The following ZNF254 variants were observed in gnomAD, a reference collection of about 807,000 sequenced individuals.
The protein encoded by ZNF254 is CTD-2017D11.1.
In ZNF254, 10 loss-of-function variants were observed where a neutral mutation model predicts 12.4. That is an observed-to-expected ratio of 0.80 (90% CI 0.50 to 1.36). The LOEUF is 1.36. Among genes scored for constraint, ZNF254 ranks in the 40% most tolerant of loss-of-function variants. ZNF254 has a pLI of 0.00. For missense variants in ZNF254, 996 were observed against 763.9 expected, an observed-to-expected ratio of 1.30 and a Z score of -3.58; for synonymous variants, 305 against 253.4, an observed-to-expected ratio of 1.20 and a Z score of -1.93.
intron 3 of ZNF254, chr19:24,107,172 G>T: frequency 1.6e-6 from 1 of 618,730 alleles, no homozygotes; most frequent in Non-Finnish European, 2.8e-6. Context: ...CCTCAAGATT[G>T]CTTTGACTAT....
intron 2 of ZNF254, among the ~76,000 whole-genome samples, chr19:24,048,292 G>A (rs952225010): frequency 2.0e-5 from 3 of 152,094 alleles, no homozygotes; most frequent in African/African-American, 7.2e-5. Flanking sequence ...GGCCACCTTG[G>A]GGGGAATAAG....
At chr19:24,071,916 C>T (rs1971495209) in intron 2 of ZNF254, among the ~76,000 whole-genome samples, 1 of 152,222 alleles carries the variant, frequency 6.6e-6, no homozygotes, top group East Asian at 2.0e-4. Flanking sequence ...TGGACTCAGC[C>T]ATATTTCAAT....
chr19:24,072,409 C>T lies in ZNF254; in HGVS notation c.-94+26130C>T, dbSNP rs1003819705. Among the ~76,000 whole-genome samples, 6 of 152,022 alleles carry T rather than the reference C, an allele frequency of 3.9e-5. 1 individual carries two copies. The South Asian group carries it at 6.2e-4, about 16-fold the overall frequency. On this transcript the variant is annotated intron_variant, in intron 2 of 4. Transcript: ENST00000613065. ...CTGGTCTCGAACTCCTGACCTCAAGCGATCTACCTGCCTCCGCCTCCCAAA... is the reference window on the plus strand; with the variant it reads ...CTGGTCTCGAACTCCTGACCTCAAGTGATCTACCTGCCTCCGCCTCCCAAA...
intron 1 of ZNF254, among the ~76,000 whole-genome samples, chr19:24,096,894 G>A (rs1024395903): frequency 8.5e-5 from 13 of 152,112 alleles, no homozygotes; most frequent in East Asian, 1.9e-4. Context: ...GCATTCTTAC[G>A]TGTGCACACA....
At chr19:24,118,584 G>A (rs564127771) in intron 3 of ZNF254, among the ~76,000 whole-genome samples, 2 of 151,702 alleles carry the variant, frequency 1.3e-5, no homozygotes, top group South Asian at 2.1e-4. Flanking sequence ...TTTAAAAGTC[G>A]TTTCTATTTT....
chr19:24,048,651 G>A (rs1408496334), intron 2 of ZNF254, among the ~76,000 whole-genome samples: 1 of 152,082 alleles, frequency 6.6e-6, no homozygotes, highest in Non-Finnish European at 1.5e-5. Context: ...TCCCCACTTT[G>A]AGTTTGTTTC....
Position 24,120,051 on chromosome 19 carries a change from A to G in ZNF254, c.254-6203A>G, listed in dbSNP as rs903945857. On this transcript the variant is annotated intron_variant, in intron 3 of 3. Transcript: ENST00000357002. The stretch of plus-strand genomic sequence containing the variant: ...AGACTGGGCAATTTACAAAAGAAAG[A>G]GGTTTATTGGTCACAGTTTCATGTG... Among the ~76,000 whole-genome samples the G allele has an allele frequency of 3.3e-5, 5 of 152,260 alleles. No homozygotes were observed. The East Asian group carries it at 9.7e-4, about 29-fold the overall frequency.
chr19:24,119,505 C>A (rs7251556), intron 3 of ZNF254, among the ~76,000 whole-genome samples: 2,829 of 152,040 alleles, frequency 0.019, 92 homozygotes, highest in African/African-American at 0.064. Context: ...TTTGTTTGTT[C>A]TTGAGATAGG....
intron 2 of ZNF254, among the ~76,000 whole-genome samples, chr19:24,055,702 T>A (rs563986028): frequency 3.9e-4 from 60 of 152,258 alleles, no homozygotes; most frequent in African/African-American, 1.3e-3. Flanking sequence ...AAAAATTGAC[T>A]CTTATATATG....
intron 1 of ZNF254, among the ~76,000 whole-genome samples, chr19:24,088,692 C>T (rs191172480): frequency 2.6e-5 from 4 of 151,876 alleles, no homozygotes; most frequent in South Asian, 2.1e-4. Flanking sequence ...TCGGTCACCC[C>T]GGATGGAGTG....
chr19:24,088,166 C>G (rs908265657), intron 1 of ZNF254, among the ~76,000 whole-genome samples: 1 of 151,988 alleles, frequency 6.6e-6, no homozygotes. Flanking sequence ...CCTTGGCCTC[C>G]GAAAGTGCTA....
At chr19:24,123,870 G>T (rs565829604) in intron 3 of ZNF254, among the ~76,000 whole-genome samples, 143 of 151,928 alleles carry the variant, frequency 9.4e-4, no homozygotes, top group African/African-American at 3.4e-3. Flanking sequence ...TTTATCATTA[G>T]ATTTCAACTG....
Position 24,127,357 on chromosome 19 carries a change from A to G in ZNF254, c.1357A>G (p.Lys453Glu). The change falls in exon 4 of 4, where the codon AAG becomes GAG. Residue 453 changes from lysine to glutamate, a missense_variant. Transcript: ENST00000357002. ...FIWSSTLTKH[K>E]RIHTREKPYK... ...CTGGTCCTCAACCCTTACTAAACAT[A>G]AGAGAATTCATACTAGAGAGAAACC... 1 of 1,613,658 alleles carries G rather than the reference A, an allele frequency of 6.2e-7. No individual in the cohort carries two copies. Among genetic ancestry groups the G allele is most frequent in the Non-Finnish European group, 8.5e-7 (1 of 1,179,816 alleles).
intron 3 of ZNF254, among the ~76,000 whole-genome samples, chr19:24,120,523 T>C (rs1375855909): frequency 2.0e-5 from 3 of 152,288 alleles, no homozygotes; most frequent in East Asian, 3.9e-4. Flanking sequence ...TTATGCATCA[T>C]CATTATGATA....
intron 2 of ZNF254, among the ~76,000 whole-genome samples, chr19:24,060,910 C>T (rs1355134182): frequency 6.6e-6 from 1 of 152,136 alleles, no homozygotes; most frequent in Non-Finnish European, 1.5e-5. Context: ...GTCCTACCCA[C>T]AGAGGTCATT....
upstream of ZNF254, among the ~76,000 whole-genome samples, chr19:24,086,927 AAGAG>A (rs1182299152): frequency 6.6e-6 from 1 of 152,210 alleles, no homozygotes; most frequent in African/African-American, 2.4e-5. Flanking sequence ...TACATTGAAA[AAGAG>A]AGAGAGCAAA....
chr19:24,112,562 T>C (rs945869392), intron 3 of ZNF254, among the ~76,000 whole-genome samples: 4 of 150,754 alleles, frequency 2.7e-5, no homozygotes, highest in South Asian at 4.2e-4. Context: ...TTTCATGATA[T>C]TGATTCTTCC....
chr19:24,098,818 C>A (rs1972821269), intron 1 of ZNF254: 1 of 151,988 alleles, frequency 6.6e-6, no homozygotes, highest in Non-Finnish European at 1.5e-5. Flanking sequence ...AGTGAGAACT[C>A]TTGGAGCTAG....
At chr19:24,124,639 C>T (rs1404588753) in intron 3 of ZNF254, among the ~76,000 whole-genome samples, 2 of 151,966 alleles carry the variant, frequency 1.3e-5, no homozygotes, top group African/African-American at 4.8e-5. Flanking sequence ...ATTAATTAAA[C>T]CTTTTTTTTT....
Sources: allele counts gnomAD v4.1 joint callset (sites outside exome capture counted in the v4.1 genomes callset), GRCh38; gene constraint gnomAD v4.1.1; transcripts MANE v1.5; gene names NCBI Gene and HGNC (gene_info 2026-07-23, HGNC 2026-07-21).